The following GPC1 variants were observed in gnomAD, a reference collection of about 807,000 sequenced individuals.
GPC1 encodes glypican-1.
Under a neutral mutation model 51.5 loss-of-function variants are expected in GPC1, and 26 were observed. The ratio of observed to expected loss-of-function variants is 0.50; its 90% CI spans 0.37 to 0.70. GPC1 has a LOEUF of 0.70. Among genes scored for constraint, GPC1 ranks in the 30% least tolerant of loss-of-function variants. The pLI is 0.00. For synonymous variants in GPC1, 380 were observed against 348.3 expected (o/e 1.09, Z -1.01); for missense variants, 775 against 800.5 (o/e 0.97, Z 0.38).
In GPC1 at chr2:240,448,456, C is replaced by T. The variant is rs2074067946; in HGVS notation, c.167-10574C>T. On this transcript the variant is annotated intron_variant, in intron 1 of 8. Coordinates refer to ENST00000264039, the MANE Select transcript of GPC1 (RefSeq NM_002081.3). The surrounding 1 kb of genome is among the most constrained non-coding windows in gnomAD (Gnocchi z 4.5). ...GTGTAGATAGTCCCTGCCAGGAAGTCTGGGTGTAGACGGGGTGGAGTCAGG... is the reference window on the plus strand; with the variant it reads ...GTGTAGATAGTCCCTGCCAGGAAGTTTGGGTGTAGACGGGGTGGAGTCAGG... Among the ~76,000 whole-genome samples the T allele has an allele frequency of 6.6e-6, 1 of 152,206 alleles. No homozygotes were observed. Among genetic ancestry groups the T allele is most frequent in the Non-Finnish European group, 1.5e-5 (1 of 68,032 alleles).
chr2:240,453,307 CG>C lies in GPC1; in HGVS notation c.167-5722del, dbSNP rs1442427825. Among the ~76,000 whole-genome samples the C allele has an allele frequency of 6.4e-3, 35 of 5,444 alleles. 4 individuals carry two copies. Among genetic ancestry groups the C allele is most frequent in the Non-Finnish European group, 0.013 (24 of 1,790 alleles). 3.6% of individuals were successfully genotyped at this position (5,444 alleles called of 152,430 possible). A position where few individuals can be genotyped will look rare whatever the true frequency, so the allele number is the denominator to read the frequency against. On this transcript the variant is annotated intron_variant, in intron 1 of 8. Transcript: ENST00000264039. Reference sequence around the variant, plus strand: ...GGGCCGCATCCCGGCGTCCCCGCCCCGCTCCCACCGCCCGCCCCGCTCCCAC... The same window carrying C: ...GGGCCGCATCCCGGCGTCCCCGCCCCCTCCCACCGCCCGCCCCGCTCCCAC...
chr2:240,464,842 C>A lies in GPC1; in HGVS notation c.1015-14C>A. Reference sequence around the variant, plus strand: ...GCCCCACTACCCCCCAAGGACCCTGCAGTGTCTCTCCAGGTCATCCAGGGC... The same window carrying A: ...GCCCCACTACCCCCCAAGGACCCTGAAGTGTCTCTCCAGGTCATCCAGGGC... On this transcript the variant is annotated splice_polypyrimidine_tract_variant and intron_variant, in intron 5 of 8. Transcript: ENST00000264039. 2 of 1,559,570 alleles carry A rather than the reference C, an allele frequency of 1.3e-6. No individual in the cohort carries two copies.
chr2:240,435,991 C>T lies in GPC1; in HGVS notation c.73C>T (p.Pro25Ser). 7.3e-7 allele frequency: 1 copy of T among 1,378,584 alleles called. No homozygotes were observed. Among genetic ancestry groups the T allele is most frequent in the Non-Finnish European group, 9.4e-7 (1 of 1,063,290 alleles). The allele number at this position is 1,378,584 out of a possible 1,614,324, so 85.4% of individuals were successfully genotyped here. A position where few individuals can be genotyped will look rare whatever the true frequency, so the allele number is the denominator to read the frequency against. ...GCTGGTCGCCTGCGCCCGCGGGGAC[C>T]CGGCCAGCAAGAGCCGGAGCTGCGG... The part of the protein sequence containing the change: ...AALVACARGD[P>S]ASKSRSCGEV... Residue 25 changes from proline to serine, a missense_variant, in exon 1 of 9, where the codon CCG (proline) becomes TCG (serine). Pro to Ser is a moderately conservative substitution (Grantham distance 74). Transcript: ENST00000264039.
chr2:240,460,529 C>T (rs2074207382), intron 2 of GPC1, among the ~76,000 whole-genome samples: 1 of 152,184 alleles, frequency 6.6e-6, no homozygotes, highest in African/African-American at 2.4e-5. Context: ...ATCACACCAT[C>T]CTCCTGGCCT....
chr2:240,455,467 C>T (rs1379079381), intron 1 of GPC1, among the ~76,000 whole-genome samples: 4 of 152,084 alleles, frequency 2.6e-5, no homozygotes, highest in African/African-American at 7.2e-5. Flanking sequence ...CCTCCCTGCA[C>T]GGGGGGAAGG....
At chr2:240,457,212 A>G (rs1365737879) in intron 1 of GPC1, among the ~76,000 whole-genome samples, 1 of 152,132 alleles carries the variant, frequency 6.6e-6, no homozygotes, top group Non-Finnish European at 1.5e-5. Context: ...CAGACAGGAA[A>G]AGAGGGCAAG....
Position 240,464,644 on chromosome 2 carries a change from C to T in GPC1, c.912C>T (p.Phe304=). The change falls in exon 5 of 9, where the codon TTC becomes TTT. Residue 304 remains phenylalanine (F), a synonymous_variant. Transcript: ENST00000264039. ...LDSMVLITDK[F]WGTSGVESVI... is the part of the protein sequence containing the mutation. ...CCATGGTGCTCATCACCGACAAGTTCTGGGGTACATCGGGTGTGGAGAGTG... is the reference window on the plus strand; with the variant it reads ...CCATGGTGCTCATCACCGACAAGTTTTGGGGTACATCGGGTGTGGAGAGTG... The T allele has an allele frequency of 1.2e-6, 2 of 1,613,388 alleles. No homozygotes were observed. Among genetic ancestry groups the T allele is most frequent in the East Asian group, 2.2e-5 (1 of 44,884 alleles).
chr2:240,462,485 G>A lies in GPC1; in HGVS notation c.620G>A (p.Arg207Lys). The A allele has an allele frequency of 6.2e-7, 1 of 1,601,140 alleles. No homozygotes were observed. Among genetic ancestry groups the A allele is most frequent in the South Asian group, 1.1e-5 (1 of 90,494 alleles). The change falls in exon 3 of 9, where the codon AGA (arginine) becomes AAA (lysine). Residue 207 changes from arginine (R) to lysine (K), a missense_variant. Transcript: ENST00000264039. ...EALRPFGEAPRELRLRATRAF... is the reference protein window; with the variant it reads ...EALRPFGEAPKELRLRATRAF... ...CTGCGGCCCTTCGGGGAGGCCCCGA[G>A]AGAGCTGCGCCTGCGGGCCACCCGT...
In GPC1 at chr2:240,465,381, C is replaced by G. The variant is rs1033452858; in HGVS notation, c.1269-92C>G. 3 of 1,397,054 alleles carry G rather than the reference C, an allele frequency of 2.1e-6. No individual in the cohort carries two copies. In the African/African-American group the frequency reaches 4.2e-5, roughly 20 times the overall value. The allele number at this position is 1,397,054 out of a possible 1,614,324, so 86.5% of individuals were successfully genotyped here. A position where few individuals can be genotyped will look rare whatever the true frequency, so the allele number is the denominator to read the frequency against. On this transcript the variant is annotated intron_variant, in intron 7 of 8. Coordinates refer to ENST00000264039, the MANE Select transcript of GPC1 (RefSeq NM_002081.3). The stretch of plus-strand genomic sequence containing the variant: ...GGTCCCTGGAAGCTGCTGGGCATCT[C>G]AGGCTCAGAGCGTGGGAGAGTGTCC...
rs1234700363 is a variant in GPC1, at chr2:240,451,998, A to T, written c.167-7032A>T. 3.9e-5 allele frequency: 6 copies of T among 152,978 alleles called. No homozygotes were observed. In the Admixed American group the frequency reaches 3.9e-4, roughly 10 times the overall value. The allele number at this position is 152,978 out of a possible 1,614,324, so 9.5% of individuals were successfully genotyped here. On this transcript the variant is annotated intron_variant, in intron 1 of 8. Coordinates refer to ENST00000264039, the MANE Select transcript of GPC1 (RefSeq NM_002081.3). The stretch of plus-strand genomic sequence containing the variant: ...GGCCTGCCTTGGTGGTCTGTCCAGC[A>T]GCTCTCAGTGTGCCCATTGCAGACC...
At chr2:240,456,577 C>A (rs1456911237) in intron 1 of GPC1, 3 of 469,352 alleles carry the variant, frequency 6.4e-6, no homozygotes, top group South Asian at 4.7e-5. Context: ...ACGTTTCCCT[C>A]CCACTGCCCA....
In GPC1 at chr2:240,465,503, G is replaced by A. The variant is rs773403120; in HGVS notation, c.1299G>A (p.Leu433=). 3 of 1,613,026 alleles carry A rather than the reference G, an allele frequency of 1.9e-6. No individual in the cohort carries two copies. The highest frequency in any genetic ancestry group is 2.2e-5 in the East Asian group (1 of 44,892). Residue 433 remains leucine, a synonymous_variant, in exon 8 of 9, where the codon CTG becomes CTA. Transcript: ENST00000264039. ...TCCCCGAGGTCATGGGTGACGGCCT[G>A]GCCAACCAGATCAACAACCCCGAGG... ...RYLPEVMGDG[L]ANQINNPEVE...
At chr2:240,463,613 GGACCT>G (rs1313822826) in intron 4 of GPC1, 101 bp downstream of exon 4, 1 of 1,010,212 alleles carries the variant, frequency 9.9e-7, no homozygotes, top group Non-Finnish European at 1.5e-6. Context: ...TTGGACCCAG[GGACCT>G]GATCAGGGAT....
chr2:240,458,070 G>A (rs1338634566), intron 1 of GPC1: 6 of 470,750 alleles, frequency 1.3e-5, no homozygotes, highest in East Asian at 1.4e-4. Flanking sequence ...TTAGGCAGCC[G>A]GAACCACTTG....
intron 1 of GPC1, among the ~76,000 whole-genome samples, chr2:240,439,038 G>A (rs1397866237): frequency 6.6e-6 from 1 of 152,226 alleles, no homozygotes; most frequent in Non-Finnish European, 1.5e-5. Context: ...TGCTTGCAAG[G>A]TTGTGTCTGG....
intron 1 of GPC1, chr2:240,450,533 A>C (rs995366156): frequency 4.3e-6 from 2 of 460,588 alleles, no homozygotes; most frequent in Admixed American, 4.8e-5. Flanking sequence ...ACTCGGCTTA[A>C]CCCCCTGCGA....
At chr2:240,441,793 G>A (rs554738486) in intron 1 of GPC1, among the ~76,000 whole-genome samples, 4 of 152,220 alleles carry the variant, frequency 2.6e-5, no homozygotes, top group Non-Finnish European at 5.9e-5. Flanking sequence ...TTGGGCCAGG[G>A]AAGCGGGCGG....
chr2:240,459,700 TG>T (rs1406672003), intron 2 of GPC1, among the ~76,000 whole-genome samples: 1 of 152,012 alleles, frequency 6.6e-6, no homozygotes, highest in African/African-American at 2.4e-5. Context: ...GGCAGGAGTC[TG>T]GGGGCCGCGG....
chr2:240,464,990 C>A lies in GPC1; in HGVS notation c.1134+15C>A. The A allele has an allele frequency of 6.4e-7, 1 of 1,561,704 alleles. No individual in the cohort carries two copies. The highest frequency in any genetic ancestry group is 8.7e-7 in the Non-Finnish European group (1 of 1,153,408). On this transcript the variant is annotated intron_variant, in intron 6 of 8. Transcript: ENST00000264039. ...TGGAGAAGCTGGTGAGTGGCCCCTG[C>A]GTGTCCACTGGACCAGGCATGAGGG...
Sources: gnomAD v4.1 joint callset for allele counts (sites outside exome capture counted in the v4.1 genomes callset) on GRCh38, gnomAD v4.1.1 for gene constraint, Gnocchi (gnomAD v3.1) non-coding constraint, MANE v1.5 for transcripts, NCBI Gene and HGNC (gene_info 2026-07-23, HGNC 2026-07-21) for gene names.